The following PTPRR variants were observed in gnomAD, a reference collection of about 807,000 sequenced individuals.
The protein encoded by PTPRR is protein tyrosine phosphatase receptor type R.
Under a neutral mutation model 77.2 loss-of-function variants are expected in PTPRR, and 38 were observed. The ratio of observed to expected loss-of-function variants is 0.49; its 90% CI spans 0.38 to 0.65. The LOEUF (loss-of-function observed/expected upper bound fraction) is 0.65. Ranked by LOEUF, PTPRR falls within the 30% of genes least tolerant of loss-of-function variation. The probability of loss-of-function intolerance (pLI) is 0.00; values close to 1 mark genes in which losing one functional copy is unlikely to be tolerated. For synonymous variants in PTPRR, 299 were observed against 283.1 expected (o/e 1.06, Z -0.57); for missense variants, 744 against 799.2 (o/e 0.93, Z 0.83).
chr12:70,660,373 T>G (rs990409498), intron 12 of PTPRR, among the ~76,000 whole-genome samples: 1 of 152,170 alleles, frequency 6.6e-6, no homozygotes, highest in Non-Finnish European at 1.5e-5. Context: ...GCTTGGCCTC[T>G]AGTGCTCCAT....
chr12:70,707,219 T>C (rs534319077), intron 6 of PTPRR, among the ~76,000 whole-genome samples: 43 of 152,272 alleles, frequency 2.8e-4, no homozygotes, highest in African/African-American at 8.9e-4. Context: ...AAATAATGCA[T>C]GTTAACTAAA....
At position 70,756,844 on chromosome 12, in the gene PTPRR, G is replaced by C. The variant is rs143034048; in HGVS notation, c.628-2543C>G. On this transcript the variant is annotated intron_variant, in intron 4 of 13. Transcript: ENST00000283228. ...GGAGATCCCAAATGCTAGGAGAGAC[G>C]ATTCAGAGATACAGAGGATCTAGGA... is the stretch of plus-strand genomic sequence containing the variant. Among the ~76,000 whole-genome samples, 598 of 152,186 alleles carry C rather than the reference G, an allele frequency of 3.9e-3. 4 individuals carry two copies. The highest frequency in any genetic ancestry group is 0.012 in the African/African-American group (513 of 41,530).
In PTPRR at chr12:70,829,094, T is replaced by C. The variant is rs1480344272; in HGVS notation, c.357+63585A>G. Among the ~76,000 whole-genome samples the C allele has an allele frequency of 5.9e-5, 9 of 152,116 alleles. No individual in the cohort carries two copies. The South Asian group carries it at 6.2e-4, about 11-fold the overall frequency. ...TAGGGAACTATGGACACATGAAACA[T>C]CAGTTCCCCTCAGACAGGTAAGCTC... On this transcript the variant is annotated intron_variant, in intron 2 of 13. Coordinates refer to ENST00000283228, the MANE Select transcript of PTPRR (RefSeq NM_002849.4).
chr12:70,666,944 T>G (rs79353566), intron 10 of PTPRR, among the ~76,000 whole-genome samples: 25 of 73,810 alleles, frequency 3.4e-4, no homozygotes, highest in Non-Finnish European at 2.1e-4. Context: ...TGTTTTTTTT[T>G]TTTTTTTTTT....
chr12:70,671,245 G>A (rs1376115936), intron 10 of PTPRR, among the ~76,000 whole-genome samples: 1 of 151,924 alleles, frequency 6.6e-6, no homozygotes, highest in East Asian at 1.9e-4. Flanking sequence ...AAACATCAGC[G>A]TTTCCTGTAT....
At position 70,656,684 on chromosome 12, in the gene PTPRR, C is replaced by T; in HGVS notation, c.1880+20G>A. On this transcript the variant is annotated intron_variant, in intron 13 of 13. Coordinates refer to ENST00000283228, the MANE Select transcript of PTPRR (RefSeq NM_002849.4). ...GTGAATGAAAACAGTGCTCTGAAGG[C>T]AAGCCTCTGTGACACTCACCTATCC... The T allele has an allele frequency of 1.3e-6, 2 of 1,549,836 alleles. No individual in the cohort carries two copies. Among genetic ancestry groups the T allele is most frequent in the Non-Finnish European group, 1.8e-6 (2 of 1,121,906 alleles).
chr12:70,893,604 T>C (rs1893376146), intron 1 of PTPRR, among the ~76,000 whole-genome samples: 1 of 151,908 alleles, frequency 6.6e-6, no homozygotes, highest in South Asian at 2.1e-4. Context: ...AGCATTGCCA[T>C]TTGATCAAGT....
intron 2 of PTPRR, among the ~76,000 whole-genome samples, chr12:70,823,524 C>T (rs1009851418): frequency 1.3e-5 from 2 of 152,162 alleles, no homozygotes; most frequent in African/African-American, 4.8e-5. Context: ...TTTTTTGTTA[C>T]TGTGTGTTTT....
chr12:70,718,560 G>A (rs1408765273), intron 6 of PTPRR, among the ~76,000 whole-genome samples: 1 of 152,074 alleles, frequency 6.6e-6, no homozygotes, highest in East Asian at 1.9e-4. Flanking sequence ...CACTATGCCT[G>A]GCCGGTCCAC....
At chr12:70,872,985 T>A (rs1264534095) in intron 2 of PTPRR, among the ~76,000 whole-genome samples, 1 of 152,196 alleles carries the variant, frequency 6.6e-6, no homozygotes, top group Non-Finnish European at 1.5e-5. Context: ...ATTACTAAAA[T>A]CCTTGTGAGG....
chr12:70,767,987 C>G (rs1171044874), intron 2 of PTPRR, among the ~76,000 whole-genome samples: 1 of 151,856 alleles, frequency 6.6e-6, no homozygotes, highest in Non-Finnish European at 1.5e-5. Flanking sequence ...ACACAACATA[C>G]CAGAATCTCT....
intron 13 of PTPRR, among the ~76,000 whole-genome samples, chr12:70,647,544 C>T (rs1049065414): frequency 6.6e-6 from 1 of 152,182 alleles, no homozygotes; most frequent in African/African-American, 2.4e-5. Flanking sequence ...CTTGACATAC[C>T]CAAGCCTAAA....
chr12:70,700,927 A>G lies in PTPRR; in HGVS notation c.1194+210T>C, dbSNP rs140970578. ...CCTATACCACTTATTTGCCTCACCA[A>G]TTCTTGCATATTCTGCCTTAATTTA... On this transcript the variant is annotated intron_variant, in intron 7 of 13. Transcript: ENST00000283228. 1.1e-3 allele frequency among the ~76,000 whole-genome samples: 173 copies of G among 152,272 alleles called. 1 individual carries two copies. Among genetic ancestry groups the G allele is most frequent in the African/African-American group, 4.1e-3 (169 of 41,552 alleles).
intron 1 of PTPRR, among the ~76,000 whole-genome samples, chr12:70,917,710 C>T (rs561452394): frequency 1.3e-5 from 2 of 152,222 alleles, no homozygotes; most frequent in South Asian, 4.1e-4. Flanking sequence ...CTTAGGCAAC[C>T]ATAAGCAAAA....
chr12:70,831,647 G>A (rs1274316487), intron 2 of PTPRR, among the ~76,000 whole-genome samples: 2 of 152,160 alleles, frequency 1.3e-5, no homozygotes, highest in Non-Finnish European at 2.9e-5. Flanking sequence ...GTTTTGGCTG[G>A]TGTTCTGAAG....
At chr12:70,794,775 A>G (rs1002040953) in intron 2 of PTPRR, among the ~76,000 whole-genome samples, 16 of 152,334 alleles carry the variant, frequency 1.1e-4, no homozygotes, top group African/African-American at 3.8e-4. Flanking sequence ...CATCAGGATC[A>G]ATCCTGGAAA....
intron 2 of PTPRR, among the ~76,000 whole-genome samples, chr12:70,813,736 G>A (rs1299451971): frequency 6.6e-6 from 1 of 152,148 alleles, no homozygotes; most frequent in East Asian, 1.9e-4. Context: ...ATCTCCCCAA[G>A]TTCAGAATTC....
At chr12:70,739,015 A>G in intron 6 of PTPRR, among the ~76,000 whole-genome samples, 1 of 152,214 alleles carries the variant, frequency 6.6e-6, no homozygotes, top group East Asian at 1.9e-4. Context: ...TTATTAGATA[A>G]CATTTACTGG....
At chr12:70,847,257 C>T (rs1892500892) in intron 2 of PTPRR, among the ~76,000 whole-genome samples, 1 of 152,204 alleles carries the variant, frequency 6.6e-6, no homozygotes, top group African/African-American at 2.4e-5. Flanking sequence ...GTGCTTAGCA[C>T]TTTGCCTGGC....
Sources: gnomAD v4.1 joint callset for allele counts (sites outside exome capture counted in the v4.1 genomes callset) on GRCh38, gnomAD v4.1.1 for gene constraint, MANE v1.5 for transcripts, NCBI Gene and HGNC (gene_info 2026-07-23, HGNC 2026-07-21) for gene names.